PRDM16: variants seen among roughly 807,000 people sequenced by gnomAD.
The protein encoded by PRDM16 is histone-lysine N-methyltransferase PRDM16.
PRDM16 carries 23 observed loss-of-function variants against 110.6 expected under a neutral mutation model. The ratio of observed to expected loss-of-function variants is 0.21; its 90% CI spans 0.15 to 0.29. The LOEUF is 0.29. Ranked by LOEUF, PRDM16 falls within the 10% of genes least tolerant of loss-of-function variation. PRDM16 has a pLI of 1.00. For synonymous variants in PRDM16, 799 were observed against 781.8 expected, an observed-to-expected ratio of 1.02 and a Z score of -0.37; for missense variants, 1,615 against 1,794.3, an observed-to-expected ratio of 0.90 and a Z score of 1.81.
chr1:3,349,897 G>A (rs770143492), intron 3 of PRDM16, among the ~76,000 whole-genome samples: 6 of 152,168 alleles, frequency 3.9e-5, no homozygotes, highest in South Asian at 2.1e-4. Flanking sequence ...TTGCTCAGGC[G>A]CCCTCTGCCG....
intron 3 of PRDM16, among the ~76,000 whole-genome samples, chr1:3,379,546 C>A (rs1569620735): frequency 7.3e-5 from 1 of 13,724 alleles, no homozygotes. Flanking sequence ...CAGCACACCC[C>A]TCCCAACACA....
chr1:3,239,933 G>C (rs563921495), intron 2 of PRDM16, among the ~76,000 whole-genome samples: 8 of 151,538 alleles, frequency 5.3e-5, no homozygotes, highest in African/African-American at 1.7e-4. Flanking sequence ...GGAGGCTGGG[G>C]GTGGGCGGGG....
chr1:3,195,870 A>G (rs1638461143), intron 2 of PRDM16, among the ~76,000 whole-genome samples: 1 of 152,170 alleles, frequency 6.6e-6, no homozygotes, highest in Non-Finnish European at 1.5e-5. Flanking sequence ...TGAAGGGAGT[A>G]TGACAGAGGC....
At chr1:3,229,120 A>T (rs1639353248) in intron 2 of PRDM16, among the ~76,000 whole-genome samples, 1 of 152,230 alleles carries the variant, frequency 6.6e-6, no homozygotes, top group Admixed American at 6.5e-5. Flanking sequence ...GGGCACCGTG[A>T]ACACAACCCT....
intron 1 of PRDM16, among the ~76,000 whole-genome samples, chr1:3,131,560 T>C (rs1441558663): frequency 1.3e-5 from 2 of 152,258 alleles, no homozygotes; most frequent in African/African-American, 4.8e-5. Context: ...AAAACTCTTA[T>C]ACTTCTTTAT....
intron 1 of PRDM16, among the ~76,000 whole-genome samples, chr1:3,164,945 T>C (rs1256643415): frequency 6.6e-6 from 1 of 152,204 alleles, no homozygotes; most frequent in Non-Finnish European, 1.5e-5. Flanking sequence ...GTGCAAGCCC[T>C]GACCTCCGCC....
chr1:3,231,697 T>C (rs1156836402), intron 2 of PRDM16, among the ~76,000 whole-genome samples: 1 of 152,224 alleles, frequency 6.6e-6, no homozygotes, highest in African/African-American at 2.4e-5. Flanking sequence ...GCCTTGGCCG[T>C]ACGTCTGCCC....
At chr1:3,095,675 C>T (rs1642379915) in intron 1 of PRDM16, among the ~76,000 whole-genome samples, 1 of 152,128 alleles carries the variant, frequency 6.6e-6, no homozygotes, top group South Asian at 2.1e-4. Flanking sequence ...CAAGACGCAG[C>T]CTCACAGTGT....
At chr1:3,432,300 C>T (rs551026915) in intron 16 of PRDM16, among the ~76,000 whole-genome samples, 160 bp downstream of exon 16, 49 of 152,332 alleles carry the variant, frequency 3.2e-4, no homozygotes, top group African/African-American at 1.2e-3. Context: ...GCGACCACCG[C>T]CCTCCCGCAA....
At chr1:3,372,502 G>A (rs575383762) in intron 3 of PRDM16, among the ~76,000 whole-genome samples, 1 of 152,332 alleles carries the variant, frequency 6.6e-6, no homozygotes, top group East Asian at 1.9e-4. Flanking sequence ...ACCGCTTCCT[G>A]TGGGCGACCT....
chr1:3,130,209 C>G (rs1643304882), intron 1 of PRDM16, among the ~76,000 whole-genome samples: 1 of 152,200 alleles, frequency 6.6e-6, no homozygotes, highest in African/African-American at 2.4e-5. Flanking sequence ...CTGTGCAGGA[C>G]CAGCCAGACC....
chr1:3,331,907 A>G (rs1053909134), intron 3 of PRDM16, among the ~76,000 whole-genome samples: 2 of 152,232 alleles, frequency 1.3e-5, no homozygotes, highest in African/African-American at 4.8e-5. Flanking sequence ...TGACACAGAC[A>G]TCTCCACCTC....
chr1:3,351,738 C>T (rs1329325057), intron 3 of PRDM16, among the ~76,000 whole-genome samples: 1 of 115,420 alleles, frequency 8.7e-6, no homozygotes, highest in African/African-American at 3.4e-5. Context: ...TGTCTCTCCT[C>T]TCCCTCTCTC....
At position 3,255,263 on chromosome 1, in the gene PRDM16, TA is replaced by T. The variant is rs1640017268; in HGVS notation, c.438+11130del. On this transcript the variant is annotated intron_variant, in intron 3 of 16. Transcript: ENST00000270722. The surrounding 1 kb of genome is among the most constrained non-coding windows in gnomAD (Gnocchi z 4.7). ...TAGGCATGGGCAAGGACTTCATGTC[TA>T]AAACACCACAAGCAATGGCAACAAA... Among the ~76,000 whole-genome samples, 1 of 152,104 alleles carries T rather than the reference TA, an allele frequency of 6.6e-6. No homozygotes were observed. Among genetic ancestry groups the T allele is most frequent in the African/African-American group, 2.4e-5 (1 of 41,404 alleles).
chr1:3,423,030 C>T (rs1638483144), intron 12 of PRDM16, among the ~76,000 whole-genome samples: 1 of 152,246 alleles, frequency 6.6e-6, no homozygotes, highest in African/African-American at 2.4e-5. Flanking sequence ...TTCCTGTCTA[C>T]TGTTGAAGAG....
In PRDM16 at chr1:3,181,794, GCAGTCTTACACACGGTC is replaced by G. The variant is rs1644206280; in HGVS notation, c.38-4330_38-4314del. ...GTCTTACACATGCAGTCTTACACAT[GCAGTCTTACACACGGTC>G]TTACACATGCGGTCTTACACATTCA... On this transcript the variant is annotated intron_variant, in intron 1 of 16. Transcript: ENST00000270722. Among the ~76,000 whole-genome samples, 4 of 122,822 alleles carry G rather than the reference GCAGTCTTACACACGGTC, an allele frequency of 3.3e-5. 1 individual carries two copies. The highest frequency in any genetic ancestry group is 1.3e-4 in the African/African-American group (4 of 31,510). The allele number at this position is 122,822 out of a possible 152,430, so 80.6% of individuals were successfully genotyped here.
rs140593251 is a variant in PRDM16 at position 3,218,119 on chromosome 1, C to T, written c.388-25968C>T. ...TTGTCGTGGCCAAGTGAAGAAGAGTCGCCTGCACTTACAAAGGGCCTCTGC... is the reference window on the plus strand; with the variant it reads ...TTGTCGTGGCCAAGTGAAGAAGAGTTGCCTGCACTTACAAAGGGCCTCTGC... On this transcript the variant is annotated intron_variant, in intron 2 of 16. Coordinates refer to ENST00000270722, the MANE Select transcript of PRDM16 (RefSeq NM_022114.4). Among the ~76,000 whole-genome samples, 9 of 152,338 alleles carry T rather than the reference C, an allele frequency of 5.9e-5. No individual in the cohort carries two copies. In the East Asian group the frequency reaches 1.7e-3, roughly 30 times the overall value.
intron 2 of PRDM16, among the ~76,000 whole-genome samples, chr1:3,240,439 A>C (rs572643898): frequency 6.6e-6 from 1 of 151,320 alleles, no homozygotes; most frequent in African/African-American, 2.4e-5. Flanking sequence ...AAAGAAGAAG[A>C]AGAAAGAAAA....
intron 3 of PRDM16, among the ~76,000 whole-genome samples, chr1:3,325,780 C>CATCCTTGGCG (rs537190668): frequency 2.4e-4 from 37 of 152,160 alleles, no homozygotes; most frequent in African/African-American, 8.7e-4. Flanking sequence ...GATCCTCTAC[C>CATCCTTGGCG]ATCCTTGGCG....
Sources: allele counts gnomAD v4.1 joint callset (sites outside exome capture counted in the v4.1 genomes callset), GRCh38; gene constraint gnomAD v4.1.1; non-coding constraint Gnocchi (gnomAD v3.1); transcripts MANE v1.5; gene names NCBI Gene and HGNC (gene_info 2026-07-23, HGNC 2026-07-21).